The following CFAP100 variants were observed in gnomAD, a reference collection of about 807,000 sequenced individuals.
CFAP100 encodes the protein cilia- and flagella-associated protein 100.
In CFAP100, 70 loss-of-function variants were observed where a neutral mutation model predicts 81.5. The ratio of observed to expected loss-of-function variants is 0.86; its 90% CI spans 0.71 to 1.05. The LOEUF is 1.05. Among genes scored for constraint, CFAP100 ranks in the 50% least tolerant of loss-of-function variants. CFAP100 has a pLI of 0.00. For missense variants in CFAP100, 811 were observed against 776.5 expected, an observed-to-expected ratio of 1.04 and a Z score of -0.53; for synonymous variants, 341 against 314.8, an observed-to-expected ratio of 1.08 and a Z score of -0.88.
At chr3:126,415,392 T>C (rs1576630119) in intron 4 of CFAP100, among the ~76,000 whole-genome samples, 1 of 77,576 alleles carries the variant, frequency 1.3e-5, no homozygotes, top group African/African-American at 5.0e-5. Context: ...ACTTATACCC[T>C]CCCCCACCCA....
In CFAP100 at chr3:126,413,189, A is replaced by T. The variant is rs539233141; in HGVS notation, c.131-896A>T. 8.7e-4 allele frequency among the ~76,000 whole-genome samples: 132 copies of T among 152,248 alleles called. 1 individual carries two copies. The highest frequency in any genetic ancestry group is 3.1e-3 in the African/African-American group (127 of 41,550). On this transcript the variant is annotated intron_variant, in intron 3 of 16. Coordinates refer to ENST00000352312, the MANE Select transcript of CFAP100 (RefSeq NM_182628.3). ...GCGGGTGCCTGGCAGTTCCTCCACT[A>T]GCTGCTTGTGTCCCAGTGTCTGCCA... is the stretch of plus-strand genomic sequence containing the variant.
At chr3:126,410,196 G>A (rs1405275223) in intron 3 of CFAP100, among the ~76,000 whole-genome samples, 4 of 151,762 alleles carry the variant, frequency 2.6e-5, no homozygotes, top group African/African-American at 9.7e-5. Context: ...GCGAGACTCC[G>A]TCTCAAAAAA....
intron 2 of CFAP100, among the ~76,000 whole-genome samples, chr3:126,397,976 G>A (rs181586537): frequency 6.6e-6 from 1 of 152,376 alleles, no homozygotes; most frequent in East Asian, 1.9e-4. Context: ...TGGGCGTGGT[G>A]TGTTCAAGGG....
intron 5 of CFAP100, chr3:126,418,032 TTTGCTC>T: frequency 5.8e-6 from 1 of 171,886 alleles, no homozygotes; most frequent in Non-Finnish European, 1.2e-5. Flanking sequence ...CTCTGCCCAG[TTTGCTC>T]GGGGGGCTTA....
chr3:126,416,292 C>G (rs1183779701), intron 4 of CFAP100, 24 bp from the exon 5 acceptor site: 1 of 1,563,602 alleles, frequency 6.4e-7, no homozygotes, highest in Non-Finnish European at 8.7e-7. Context: ...CTGGGCCCCG[C>G]CCGACTTGGC....
intron 3 of CFAP100, among the ~76,000 whole-genome samples, chr3:126,413,846 G>A (rs1412758008): frequency 6.6e-6 from 1 of 152,214 alleles, no homozygotes; most frequent in African/African-American, 2.4e-5. Flanking sequence ...CTGTGCTCAC[G>A]AGCTCTCTTT....
At chr3:126,417,957 G>A (rs544471679) in intron 5 of CFAP100, 2 of 158,056 alleles carry the variant, frequency 1.3e-5, no homozygotes, top group East Asian at 3.8e-4. Context: ...CTCTCCTGAA[G>A]GTTGTCCAGA....
intron 13 of CFAP100, among the ~76,000 whole-genome samples, chr3:126,432,052 A>G (rs13063403): frequency 0.32 from 48,488 of 151,858 alleles, 7,754 homozygotes; most frequent in East Asian, 0.36. Flanking sequence ...AGGCTGAGGC[A>G]GGAGGATCAC....
In CFAP100 at chr3:126,434,023, C is replaced by T. The variant is rs1933344935; in HGVS notation, c.1423-153C>T. 4 of 663,220 alleles carry T rather than the reference C, an allele frequency of 6.0e-6. No homozygotes were observed. The Admixed American group carries it at 9.5e-5, about 16-fold the overall frequency. The allele number at this position is 663,220 out of a possible 1,614,324, so 41.1% of individuals were successfully genotyped here. A position where few individuals can be genotyped will look rare whatever the true frequency, so the allele number is the denominator to read the frequency against. On this transcript the variant is annotated intron_variant, in intron 14 of 16. Coordinates refer to ENST00000352312, the MANE Select transcript of CFAP100 (RefSeq NM_182628.3). ...GCTCTGGCCAAGAAAAGCCAGTTCC[C>T]CAAGTTCTGTTTTAGCCCATGTTCT...
intron 2 of CFAP100, among the ~76,000 whole-genome samples, chr3:126,403,572 AG>A (rs1312827560): frequency 1.3e-5 from 2 of 152,170 alleles, no homozygotes; most frequent in African/African-American, 4.8e-5. Flanking sequence ...TAGTACAGAC[AG>A]GGTTTCACCA....
intron 7 of CFAP100, 50 bp downstream of exon 7, chr3:126,418,824 G>A (rs1373292597): frequency 2.6e-6 from 4 of 1,522,782 alleles, no homozygotes; most frequent in Non-Finnish European, 3.5e-6. Context: ...AACCCCCACT[G>A]TCCCTGAGCC....
chr3:126,406,643 T>C (rs1161067543), intron 2 of CFAP100, among the ~76,000 whole-genome samples: 2 of 152,146 alleles, frequency 1.3e-5, no homozygotes, highest in East Asian at 3.9e-4. Flanking sequence ...CTTGCTGGCC[T>C]TGGGGAGAAA....
intron 2 of CFAP100, among the ~76,000 whole-genome samples, chr3:126,402,996 G>A (rs775741422): frequency 2.6e-5 from 4 of 152,218 alleles, no homozygotes; most frequent in African/African-American, 7.2e-5. Context: ...AGAGGGTGTC[G>A]GGGATGCCTT....
At chr3:126,431,185 TAC>T (rs1933210175) in intron 13 of CFAP100, among the ~76,000 whole-genome samples, 1 of 151,758 alleles carries the variant, frequency 6.6e-6, no homozygotes, top group South Asian at 2.1e-4. Context: ...GTGGTGGGTC[TAC>T]AGACAGGTGA....
intron 7 of CFAP100, 42 bp downstream of exon 7, chr3:126,418,816 C>T (rs1290378470): frequency 2.0e-6 from 3 of 1,528,844 alleles, no homozygotes; most frequent in South Asian, 2.5e-5. Context: ...CAATGCCGAA[C>T]CCCCACTGTC....
At chr3:126,428,694 A>G (rs1478895191) in intron 13 of CFAP100, among the ~76,000 whole-genome samples, 1 of 152,118 alleles carries the variant, frequency 6.6e-6, no homozygotes, top group Non-Finnish European at 1.5e-5. Flanking sequence ...CTACGTTCAT[A>G]GGGGATATTG....
intron 13 of CFAP100, 29 bp downstream of exon 13, chr3:126,423,673 C>A (rs754957682): frequency 5.6e-6 from 9 of 1,612,316 alleles, no homozygotes; most frequent in Non-Finnish European, 7.6e-6. Flanking sequence ...CCAGTGGGGG[C>A]TCCCTGCCGC....
intron 3 of CFAP100, among the ~76,000 whole-genome samples, chr3:126,410,400 CCATTT>C (rs546388935): frequency 3.5e-4 from 53 of 152,218 alleles, no homozygotes; most frequent in Non-Finnish European, 5.9e-4. Flanking sequence ...CTAATCGTAA[CCATTT>C]CATTTATAGA....
intron 13 of CFAP100, among the ~76,000 whole-genome samples, chr3:126,426,217 C>A (rs113384423): frequency 0.052 from 7,931 of 152,280 alleles, 249 homozygotes; most frequent in African/African-American, 0.06. Flanking sequence ...AATTTCAGCA[C>A]TTTGGCAGGC....
Sources: allele counts gnomAD v4.1 joint callset (sites outside exome capture counted in the v4.1 genomes callset), GRCh38; gene constraint gnomAD v4.1.1; transcripts MANE v1.5; gene names NCBI Gene and HGNC (gene_info 2026-07-23, HGNC 2026-07-21).